RAP1A: variants seen among roughly 807,000 people sequenced by gnomAD.
The protein encoded by RAP1A is RAP1A, member of RAS oncogene family.
In RAP1A, 6 loss-of-function variants were observed where a neutral mutation model predicts 26.4. The observed-to-expected ratio is 0.23, with a 90% CI of 0.12 to 0.45. The LOEUF (loss-of-function observed/expected upper bound fraction) is 0.45. Ranked by LOEUF, RAP1A falls within the 20% of genes least tolerant of loss-of-function variation. RAP1A has a pLI of 0.99. For synonymous variants in RAP1A, 73 were observed against 79.4 expected, an observed-to-expected ratio of 0.92 and a Z score of 0.43; for missense variants, 121 against 217.2, an observed-to-expected ratio of 0.56 and a Z score of 2.78.
At chr1:111,555,104 A>C (rs886504520) in intron 1 of RAP1A, among the ~76,000 whole-genome samples, 2 of 152,122 alleles carry the variant, frequency 1.3e-5, no homozygotes, top group African/African-American at 4.8e-5. Flanking sequence ...AGTGACTCAC[A>C]CCTGTAATTC....
chr1:111,573,674 G>T (rs1043465629), intron 1 of RAP1A, among the ~76,000 whole-genome samples: 15 of 152,080 alleles, frequency 9.9e-5, no homozygotes, highest in African/African-American at 3.6e-4. Flanking sequence ...GGTGTGAAAT[G>T]GTATCTAATG....
At chr1:111,689,819 G>A (rs985994305) in intron 1 of RAP1A, among the ~76,000 whole-genome samples, 1 of 151,996 alleles carries the variant, frequency 6.6e-6, no homozygotes, top group South Asian at 2.1e-4. Context: ...ACAGGCACCC[G>A]CCACCCGCCA....
intron 1 of RAP1A, among the ~76,000 whole-genome samples, chr1:111,674,941 C>T (rs1661078866): frequency 6.6e-6 from 1 of 152,102 alleles, no homozygotes; most frequent in Admixed American, 6.5e-5. Flanking sequence ...TTCCAGAATA[C>T]AAATCTAATC....
At chr1:111,617,910 G>T (rs1659047894), upstream of RAP1A, among the ~76,000 whole-genome samples, 1 of 151,846 alleles carries the variant, frequency 6.6e-6, no homozygotes, top group Non-Finnish European at 1.5e-5. Flanking sequence ...AGGTGTGGTG[G>T]CACATGACTG....
At chr1:111,640,654 AT>A (rs1262525674) in intron 1 of RAP1A, among the ~76,000 whole-genome samples, 1 of 152,154 alleles carries the variant, frequency 6.6e-6, no homozygotes, top group Non-Finnish European at 1.5e-5. Flanking sequence ...TTAACACACG[AT>A]TTTTTAATAA....
chr1:111,623,656 G>A (rs1030311860), intron 1 of RAP1A, among the ~76,000 whole-genome samples: 11 of 152,190 alleles, frequency 7.2e-5, no homozygotes, highest in African/African-American at 1.9e-4. Flanking sequence ...TGATCCGCCC[G>A]CCTCAGCCTC....
intron 1 of RAP1A, among the ~76,000 whole-genome samples, chr1:111,603,568 C>T (rs1658710941): frequency 1.3e-5 from 2 of 152,074 alleles, no homozygotes; most frequent in South Asian, 4.1e-4. Context: ...TCATTTTTGT[C>T]AAAGTAGAAA....
At position 111,704,499 on chromosome 1, in the gene RAP1A, T is replaced by A; in HGVS notation, c.468+13T>A. 6.3e-7 allele frequency: 1 copy of A among 1,598,938 alleles called. No individual in the cohort carries two copies. The stretch of plus-strand genomic sequence containing the variant: ...CAATGTTAATGAGGTAACCTACAAC[T>A]GCTGGGCAGCACAAACAAGTGCCTT... On this transcript the variant is annotated intron_variant, in intron 6 of 7. Transcript: ENST00000369709.
At chr1:111,599,930 C>T (rs1658638372) in intron 1 of RAP1A, 1 of 152,026 alleles carries the variant, frequency 6.6e-6, no homozygotes, top group Non-Finnish European at 1.5e-5. Flanking sequence ...TTAGTTCTGC[C>T]TCGTGAGATA....
At chr1:111,692,675 G>T (rs2300545) in intron 2 of RAP1A, among the ~76,000 whole-genome samples, 9,181 of 152,138 alleles carry the variant, frequency 0.06, 306 homozygotes, top group East Asian at 0.065. Context: ...CCATTAGAAT[G>T]CAATAGCTCT....
intron 1 of RAP1A, among the ~76,000 whole-genome samples, chr1:111,628,743 A>G (rs928116467): frequency 2.0e-5 from 3 of 152,146 alleles, no homozygotes; most frequent in African/African-American, 7.2e-5. Context: ...GAAGATCTGT[A>G]CAACCAATTT....
At chr1:111,661,667 C>T (rs954159614) in intron 1 of RAP1A, among the ~76,000 whole-genome samples, 22 of 152,050 alleles carry the variant, frequency 1.4e-4, no homozygotes, top group African/African-American at 4.3e-4. Flanking sequence ...GGCGTGGTGG[C>T]GCATGCCTGT....
intron 3 of RAP1A, 58 bp downstream of exon 3, chr1:111,695,467 T>A: frequency 2.4e-6 from 3 of 1,257,726 alleles, no homozygotes; most frequent in East Asian, 2.7e-5. Context: ...ATGTTAAAAT[T>A]TGATCTGTAG....
At chr1:111,654,549 G>A (rs1340608326) in intron 1 of RAP1A, among the ~76,000 whole-genome samples, 1 of 152,106 alleles carries the variant, frequency 6.6e-6, no homozygotes, top group African/African-American at 2.4e-5. Flanking sequence ...TAGGTCGTAT[G>A]TTTTCTCTTG....
At chr1:111,699,206 C>T (rs776030920) in intron 4 of RAP1A, among the ~76,000 whole-genome samples, 2 of 152,114 alleles carry the variant, frequency 1.3e-5, no homozygotes, top group Non-Finnish European at 2.9e-5. Flanking sequence ...TGCTTTCTCT[C>T]TTTCACATAC....
intron 1 of RAP1A, among the ~76,000 whole-genome samples, chr1:111,620,871 T>A (rs773335775): frequency 5.9e-5 from 9 of 152,164 alleles, no homozygotes; most frequent in Non-Finnish European, 1.0e-4. Context: ...GGGGAGAAGA[T>A]GAGAGGAAGA....
intron 1 of RAP1A, among the ~76,000 whole-genome samples, chr1:111,568,924 T>C (rs562685259): frequency 1.3e-5 from 2 of 152,300 alleles, no homozygotes; most frequent in African/African-American, 4.8e-5. Flanking sequence ...CATTTTCTCT[T>C]CCTTATGATT....
intron 1 of RAP1A, among the ~76,000 whole-genome samples, chr1:111,672,242 A>G (rs1225458030): frequency 1.3e-5 from 2 of 152,058 alleles, no homozygotes; most frequent in Admixed American, 6.6e-5. Flanking sequence ...GCTTTAATTT[A>G]TATTTAAATT....
At chr1:111,667,450 C>T (rs769769034) in intron 1 of RAP1A, among the ~76,000 whole-genome samples, 10 of 151,948 alleles carry the variant, frequency 6.6e-5, no homozygotes, top group South Asian at 2.1e-4. Context: ...TTTGGGAGGC[C>T]GAGGCGGCTG....
Sources: allele counts gnomAD v4.1 joint callset (sites outside exome capture counted in the v4.1 genomes callset), GRCh38; gene constraint gnomAD v4.1.1; transcripts MANE v1.5; gene names NCBI Gene and HGNC (gene_info 2026-07-23, HGNC 2026-07-21).